The following BFSP2 variants were observed in gnomAD, a reference collection of about 807,000 sequenced individuals.
BFSP2 encodes phakinin.
In BFSP2, 38 loss-of-function variants were observed where a neutral mutation model predicts 44.9. That is an observed-to-expected ratio of 0.85 (90% confidence interval 0.65 to 1.11). The LOEUF is 1.11. BFSP2 is among the 50% of genes least tolerant of loss of function. BFSP2 has a pLI of 0.00. For missense variants in BFSP2, 525 were observed against 533.0 expected, an observed-to-expected ratio of 0.99 and a Z score of 0.15; for synonymous variants, 197 against 209.9, an observed-to-expected ratio of 0.94 and a Z score of 0.53.
intron 1 of BFSP2, among the ~76,000 whole-genome samples, chr3:133,433,134 A>G (rs980802762): frequency 6.6e-6 from 1 of 152,162 alleles, no homozygotes; most frequent in Non-Finnish European, 1.5e-5. Flanking sequence ...CAGGACTTCA[A>G]TCTGGCCTCC....
intron 1 of BFSP2, among the ~76,000 whole-genome samples, chr3:133,402,132 C>T (rs1380894159): frequency 6.6e-6 from 1 of 152,200 alleles, no homozygotes; most frequent in Non-Finnish European, 1.5e-5. Flanking sequence ...TCCCTAGATA[C>T]TCCAATATGT....
At chr3:133,434,437 G>A (rs148514713) in intron 1 of BFSP2, among the ~76,000 whole-genome samples, 6,663 of 151,732 alleles carry the variant, frequency 0.044, 456 homozygotes, top group African/African-American at 0.15. Context: ...GAGAAACATC[G>A]CCCATTCTCT....
chr3:133,413,574 G>A (rs2073476802), intron 1 of BFSP2, among the ~76,000 whole-genome samples: 1 of 152,062 alleles, frequency 6.6e-6, no homozygotes, highest in South Asian at 2.1e-4. Flanking sequence ...CTGATCCACC[G>A]AATTTGAGGA....
At chr3:133,411,180 G>GA (rs10599643) in intron 1 of BFSP2, among the ~76,000 whole-genome samples, 1 of 129,504 alleles carries the variant, frequency 7.7e-6, no homozygotes, top group African/African-American at 2.9e-5. Flanking sequence ...GTATAACACC[G>GA]AAAAAAAAAA....
At chr3:133,450,607 T>G (rs2073954694) in intron 4 of BFSP2, 143 bp downstream of exon 4, 1 of 998,892 alleles carries the variant, frequency 1.0e-6, no homozygotes, top group Admixed American at 2.5e-5. Context: ...GAAATGAAAA[T>G]TAAAATAATA....
chr3:133,423,173 A>C (rs2073608026), intron 1 of BFSP2, among the ~76,000 whole-genome samples: 2 of 152,212 alleles, frequency 1.3e-5, no homozygotes. Context: ...AAGAGGAAGG[A>C]AGAAAGGGAG....
In BFSP2 at chr3:133,472,743, A is replaced by G. The variant is rs73861109; in HGVS notation, c.1244+178A>G. On this transcript the variant is annotated intron_variant, in intron 6 of 6. Transcript: ENST00000302334. ...CCTTTCCTATTCACATACAAATAATATATATAATATATTCACATACTAATA... is the reference window on the plus strand; with the variant it reads ...CCTTTCCTATTCACATACAAATAATGTATATAATATATTCACATACTAATA... 4.4e-3 allele frequency among the ~76,000 whole-genome samples: 669 copies of G among 152,314 alleles called. 4 individuals carry two copies. The highest frequency in any genetic ancestry group is 0.015 in the African/African-American group (639 of 41,558).
rs111839122 is a variant in BFSP2 at position 133,427,243 on chromosome 3, C to A, written c.490-20074C>A. Reference sequence around the variant, plus strand: ...GTGCAATTGCAATGTTCTCCTTAGACCTTCGTCACCATTGGTGGGACTTCA... The same window carrying A: ...GTGCAATTGCAATGTTCTCCTTAGAACTTCGTCACCATTGGTGGGACTTCA... On this transcript the variant is annotated intron_variant, in intron 1 of 6. Coordinates refer to ENST00000302334, the MANE Select transcript of BFSP2 (RefSeq NM_003571.4). 8.9e-4 allele frequency among the ~76,000 whole-genome samples: 135 copies of A among 152,348 alleles called. 1 individual carries two copies. The highest frequency in any genetic ancestry group is 3.1e-3 in the African/African-American group (127 of 41,580).
intron 4 of BFSP2, among the ~76,000 whole-genome samples, chr3:133,465,001 C>CTTTTTTTTTTTTT (rs71136470): frequency 1.5e-5 from 2 of 132,112 alleles, no homozygotes; most frequent in Non-Finnish European, 3.2e-5. Context: ...CTTGGGGTTT[C>CTTTTTTTTTTTTT]TTTTTTTTTT....
At chr3:133,421,167 G>A (rs551608544) in intron 1 of BFSP2, among the ~76,000 whole-genome samples, 1 of 152,300 alleles carries the variant, frequency 6.6e-6, no homozygotes, top group East Asian at 1.9e-4. Context: ...ATAGATGCAT[G>A]ATAAATATTG....
chr3:133,415,051 C>A (rs1371627875), intron 1 of BFSP2, among the ~76,000 whole-genome samples: 7 of 136,662 alleles, frequency 5.1e-5, no homozygotes, highest in Non-Finnish European at 1.1e-4. Context: ...CCCTTCTATT[C>A]ACTCCTGTCC....
intron 4 of BFSP2, among the ~76,000 whole-genome samples, chr3:133,454,057 T>G (rs1033644394): frequency 2.0e-5 from 3 of 152,186 alleles, no homozygotes; most frequent in Non-Finnish European, 4.4e-5. Flanking sequence ...CTTGTCTATT[T>G]GTTGTGGTTA....
intron 1 of BFSP2, among the ~76,000 whole-genome samples, chr3:133,422,343 A>T (rs966873424): frequency 2.6e-5 from 4 of 152,140 alleles, no homozygotes; most frequent in African/African-American, 9.7e-5. Flanking sequence ...GCACACACAC[A>T]GGGAATAGGC....
chr3:133,442,042 G>A (rs188759877), intron 1 of BFSP2, among the ~76,000 whole-genome samples: 1 of 152,240 alleles, frequency 6.6e-6, no homozygotes, highest in African/African-American at 2.4e-5. Flanking sequence ...CAATGGAAGA[G>A]TAACAAGCAT....
chr3:133,420,714 C>T (rs2073585247), intron 1 of BFSP2, among the ~76,000 whole-genome samples: 1 of 152,196 alleles, frequency 6.6e-6, no homozygotes, highest in African/African-American at 2.4e-5. Flanking sequence ...CCTCTCTTCT[C>T]ACGTGTCCTG....
intron 1 of BFSP2, among the ~76,000 whole-genome samples, chr3:133,412,910 C>CT (rs1451412896): frequency 6.6e-6 from 1 of 152,240 alleles, no homozygotes; most frequent in Non-Finnish European, 1.5e-5. Context: ...GCAGAATCCT[C>CT]TGCCGCTGTG....
intron 1 of BFSP2, among the ~76,000 whole-genome samples, chr3:133,418,255 C>T (rs1304527875): frequency 6.6e-6 from 1 of 152,160 alleles, no homozygotes; most frequent in Non-Finnish European, 1.5e-5. Context: ...ACTTCATTTT[C>T]ATCATCTTCA....
chr3:133,452,778 C>A (rs2073977436), intron 4 of BFSP2, among the ~76,000 whole-genome samples: 1 of 152,150 alleles, frequency 6.6e-6, no homozygotes. Context: ...CCTCAGAGGC[C>A]CAGCAGTTTG....
At chr3:133,449,485 TG>T (rs1320865591) in intron 3 of BFSP2, among the ~76,000 whole-genome samples, 3 of 141,456 alleles carry the variant, frequency 2.1e-5, no homozygotes, top group Non-Finnish European at 4.6e-5. Flanking sequence ...TAGTTACATA[TG>T]TATACATGTG....
Sources: allele counts gnomAD v4.1 joint callset (sites outside exome capture counted in the v4.1 genomes callset), GRCh38; gene constraint gnomAD v4.1.1; transcripts MANE v1.5; gene names NCBI Gene and HGNC (gene_info 2026-07-23, HGNC 2026-07-21).